Variants in SFMBT2 observed in about 807,000 individuals in gnomAD.
SFMBT2 encodes the protein Scm like with four mbt domains 2, also known as scm-like with four MBT domains protein 2.
Under a neutral mutation model 110.1 loss-of-function variants are expected in SFMBT2, and 38 were observed. That is an observed-to-expected ratio of 0.35 (90% confidence interval 0.27 to 0.45). SFMBT2 has a LOEUF of 0.45. Ranked by LOEUF, SFMBT2 falls within the 20% of genes least tolerant of loss-of-function variation. SFMBT2 has a pLI of 1.00. For missense variants in SFMBT2, 1,011 were observed against 1,094.9 expected (o/e 0.92, Z 1.08); for synonymous variants, 425 against 425.4 (o/e 1.00, Z 0.01).
intron 4 of SFMBT2, among the ~76,000 whole-genome samples, chr10:7,313,479 C>T (rs575468720): frequency 1.3e-5 from 2 of 152,072 alleles, no homozygotes; most frequent in Non-Finnish European, 2.9e-5. Context: ...CACCAATCTT[C>T]GATAGTTTTT....
Position 7,172,134 on chromosome 10 carries a change from C to T in SFMBT2, c.2176G>A (p.Ala726Thr), listed in dbSNP as rs765960968. 5.0e-5 allele frequency: 79 copies of T among 1,568,392 alleles called. 2 individuals are homozygous for T. Among genetic ancestry groups the T allele is most frequent in the South Asian group, 4.4e-4 (38 of 86,310 alleles). The change falls in exon 19 of 21, where the codon GCC becomes ACC. Residue 726 changes from alanine to threonine, a missense_variant. By Grantham distance (58) the Ala-to-Thr change is moderately conservative. Transcript: ENST00000397167. The surrounding 1 kb of genome is among the most constrained non-coding windows in gnomAD (Gnocchi z 4.6). ...GEESEEEDAD[A>T]MDDDTASEET... ...TCACTGGCGGTGTCATCGTCCATGG[C>T]GTCAGCGTCCTCCTCTTCACTTTCC...
chr10:7,407,787 C>CA (rs765667676), intron 1 of SFMBT2, among the ~76,000 whole-genome samples: 102 of 152,324 alleles, frequency 6.7e-4, no homozygotes, highest in Non-Finnish European at 1.3e-3. Flanking sequence ...TCTCGGACAC[C>CA]ACAAACGCCA....
Position 7,341,514 on chromosome 10 carries a change from A to C in SFMBT2, c.436+26135T>G, listed in dbSNP as rs189193884. On this transcript the variant is annotated intron_variant, in intron 4 of 20. Coordinates refer to ENST00000397167, the MANE Select transcript of SFMBT2 (RefSeq NM_001387889.1). ...TCTAATTTTGGTTTTTATTCATTCA[A>C]CAAATTTTTGAGGAGATAGAAGAAG... 3.9e-3 allele frequency among the ~76,000 whole-genome samples: 597 copies of C among 152,308 alleles called. 14 individuals carry two copies. Among genetic ancestry groups the C allele is most frequent in the Admixed American group, 0.034 (516 of 15,294 alleles).
intron 20 of SFMBT2, among the ~76,000 whole-genome samples, chr10:7,169,933 T>TGGTC (rs1837819707): frequency 6.6e-6 from 1 of 152,104 alleles, no homozygotes; most frequent in Non-Finnish European, 1.5e-5. Context: ...CACCATACCA[T>TGGTC]GGTCTTAAAA....
chr10:7,195,092 A>G (rs1838726591), intron 15 of SFMBT2, among the ~76,000 whole-genome samples: 2 of 152,264 alleles, frequency 1.3e-5, no homozygotes, highest in African/African-American at 4.8e-5. Flanking sequence ...TCACAACAAA[A>G]ACAGGCAGAA....
At chr10:7,228,724 TTTC>T (rs1483343203) in intron 9 of SFMBT2, among the ~76,000 whole-genome samples, 1 of 107,234 alleles carries the variant, frequency 9.3e-6, no homozygotes, top group Non-Finnish European at 1.9e-5. Context: ...TCTTTCTTTC[TTTC>T]TTTCTTTCCT....
chr10:7,245,124 T>C (rs2131723529), intron 8 of SFMBT2, among the ~76,000 whole-genome samples: 1 of 152,218 alleles, frequency 6.6e-6, no homozygotes, highest in South Asian at 2.1e-4. Context: ...TCCTCACTGC[T>C]ACCGGGGGGC....
intron 4 of SFMBT2, among the ~76,000 whole-genome samples, chr10:7,333,943 G>A (rs1182094021): frequency 6.6e-6 from 1 of 152,154 alleles, no homozygotes; most frequent in African/African-American, 2.4e-5. Context: ...AATAAAATCT[G>A]GGGAAAGCAC....
chr10:7,177,411 T>C (rs1564368547), intron 16 of SFMBT2, among the ~76,000 whole-genome samples: 2 of 152,026 alleles, frequency 1.3e-5, no homozygotes, highest in Non-Finnish European at 2.9e-5. Flanking sequence ...GAGACCTTCA[T>C]TCTTATTATA....
intron 1 of SFMBT2, among the ~76,000 whole-genome samples, chr10:7,389,249 G>A (rs1051756111): frequency 9.2e-5 from 14 of 152,178 alleles, no homozygotes; most frequent in African/African-American, 3.1e-4. Context: ...GGGGGTTAGA[G>A]GGGCAAATCT....
rs955851530 is a variant in SFMBT2, at chr10:7,348,014, C to T, written c.436+19635G>A. 2.0e-5 allele frequency: 6 copies of T among 296,442 alleles called. No individual in the cohort carries two copies. The Admixed American group carries it at 2.4e-4, about 12-fold the overall frequency. 18.4% of individuals were successfully genotyped at this position (296,442 alleles called of 1,614,324 possible). A position where few individuals can be genotyped will look rare whatever the true frequency, so the allele number is the denominator to read the frequency against. ...ATGTAGAGATGAAAAATGTAAAGTA[C>T]ATACTGCTTTCTTCATTTCACAAAA... On this transcript the variant is annotated intron_variant, in intron 4 of 20. Transcript: ENST00000397167.
intron 11 of SFMBT2, among the ~76,000 whole-genome samples, chr10:7,211,195 G>A (rs1839338067): frequency 6.6e-6 from 1 of 151,942 alleles, no homozygotes; most frequent in South Asian, 2.1e-4. Flanking sequence ...TTTCTGGGTG[G>A]GGGGTATGTG....
chr10:7,198,483 G>A (rs191528506), intron 14 of SFMBT2, among the ~76,000 whole-genome samples: 3 of 152,300 alleles, frequency 2.0e-5, no homozygotes, highest in African/African-American at 4.8e-5. Flanking sequence ...ACATGGCCAC[G>A]CCATTCTCCA....
chr10:7,248,887 A>C (rs987307991), intron 7 of SFMBT2: 6 of 166,534 alleles, frequency 3.6e-5, no homozygotes, highest in African/African-American at 1.2e-4. Flanking sequence ...TTAAATTTAC[A>C]CTAAGCAAAA....
rs747153930 is a variant in SFMBT2 at position 7,273,105 on chromosome 10, T to G, written c.870+3787A>C. Among the ~76,000 whole-genome samples, 28 of 152,350 alleles carry G rather than the reference T, an allele frequency of 1.8e-4. No homozygotes were observed. The South Asian group carries it at 5.4e-3, about 29-fold the overall frequency. ...CCACCAACGCCCCAGCCAAAACCTC[T>G]GATTCTTGAGACAAATGATAGCTCA... On this transcript the variant is annotated intron_variant, in intron 7 of 20. Coordinates refer to ENST00000397167, the MANE Select transcript of SFMBT2 (RefSeq NM_001387889.1).
At chr10:7,400,036 G>C (rs764803609) in intron 1 of SFMBT2, among the ~76,000 whole-genome samples, 16 of 152,202 alleles carry the variant, frequency 1.1e-4, no homozygotes, top group Non-Finnish European at 2.1e-4. Flanking sequence ...CGGAGGAATG[G>C]GAGGCTCCTC....
chr10:7,385,802 A>G (rs373752859), intron 1 of SFMBT2, among the ~76,000 whole-genome samples: 1 of 152,054 alleles, frequency 6.6e-6, no homozygotes, highest in African/African-American at 2.4e-5. Context: ...GATCAAGACC[A>G]TCCTGGCTAA....
At chr10:7,196,881 T>C (rs1034644726) in intron 15 of SFMBT2, among the ~76,000 whole-genome samples, 2 of 152,046 alleles carry the variant, frequency 1.3e-5, no homozygotes, top group African/African-American at 2.4e-5. Context: ...GCTAGAAAAA[T>C]GCAATGGAGA....
rs193112989 is a variant in SFMBT2 at position 7,297,385 on chromosome 10, G to A, written c.437-11431C>T. On this transcript the variant is annotated intron_variant, in intron 4 of 20. Coordinates refer to ENST00000397167, the MANE Select transcript of SFMBT2 (RefSeq NM_001387889.1). ...CCTCTCCAGGTGTGTTTCCTCACTT[G>A]TAAAACAAGCCTACTAGCTGGACCA... 7.2e-4 allele frequency among the ~76,000 whole-genome samples: 110 copies of A among 152,322 alleles called. 1 individual carries two copies. Among genetic ancestry groups the A allele is most frequent in the Non-Finnish European group, 1.3e-3 (89 of 68,040 alleles).
Sources: gnomAD v4.1 joint callset for allele counts (sites outside exome capture counted in the v4.1 genomes callset) on GRCh38, gnomAD v4.1.1 for gene constraint, Gnocchi (gnomAD v3.1) non-coding constraint, MANE v1.5 for transcripts, NCBI Gene and HGNC (gene_info 2026-07-23, HGNC 2026-07-21) for gene names.